The following ADGRE3 variants were observed in gnomAD, a reference collection of about 807,000 sequenced individuals.
The protein encoded by ADGRE3 is adhesion G protein-coupled receptor E3.
ADGRE3 carries 88 observed loss-of-function variants against 80.1 expected under a neutral mutation model. The observed-to-expected ratio is 1.10, with a 90% confidence interval of 0.93 to 1.31. ADGRE3 has a LOEUF of 1.31. Ranked by LOEUF, ADGRE3 falls within the 40% of genes most tolerant of loss-of-function variation. The probability of loss-of-function intolerance (pLI) is 0.00; values close to 1 mark genes in which losing one functional copy is unlikely to be tolerated. For synonymous variants in ADGRE3, 281 were observed against 294.8 expected (o/e 0.95, Z 0.48); for missense variants, 715 against 776.5 (o/e 0.92, Z 0.94).
rs149010185 is a variant in ADGRE3 at position 14,641,583 on chromosome 19, C to T, written c.1084G>A (p.Val362Met). ...CACAGCAGAGAGACGCTCAGCCCCA[C>T]GTAGGTGATGACAGTCAGCACGGGA... ...EDPVLTVITY[V>M]GLSVSLLCLL... is the part of the protein sequence containing the mutation. Residue 362 changes from valine to methionine, a missense_variant, in exon 10 of 16, where the codon GTG (valine) becomes ATG (methionine). By Grantham distance (21) the Val-to-Met change is conservative. Coordinates refer to ENST00000253673, the MANE Select transcript of ADGRE3 (RefSeq NM_032571.5). 5,055 of 1,614,128 alleles carry T rather than the reference C, an allele frequency of 3.1e-3. 17 individuals carry two copies. Among genetic ancestry groups the T allele is most frequent in the Middle Eastern group, 7.3e-3 (44 of 6,060 alleles).
chr19:14,649,398 C>T (rs386486654), intron 7 of ADGRE3, among the ~76,000 whole-genome samples: 214 of 147,412 alleles, frequency 1.5e-3, no homozygotes, highest in Non-Finnish European at 2.2e-3. Context: ...CCATCTCTCT[C>T]TTTCCATCTC....
At chr19:14,613,299 G>A in the ADGRE3 span, among the ~76,000 whole-genome samples, 40 of 152,180 alleles carry the variant, frequency 2.6e-4, 1 homozygote, top group East Asian at 6.8e-3. Context: ...ATAGCTCACT[G>A]AAGCCTCAAA....
chr19:14,659,822 GAAAAAAAAAAAAA>G (rs66908687), intron 4 of ADGRE3, among the ~76,000 whole-genome samples: 1 of 44,840 alleles, frequency 2.2e-5, no homozygotes, highest in Admixed American at 3.5e-4. Context: ...CTCTGCCTCT[GAAAAAAAAAAAAA>G]AAAAAAAAAA....
intron 2 of ADGRE3, among the ~76,000 whole-genome samples, chr19:14,667,194 A>G (rs546375600): frequency 1.2e-4 from 19 of 152,250 alleles, no homozygotes; most frequent in African/African-American, 4.3e-4. Flanking sequence ...GCTGGTGGCT[A>G]TGAAGTGAGA....
intron 14 of ADGRE3, among the ~76,000 whole-genome samples, 186 bp from the exon 15 acceptor site, chr19:14,625,785 A>G (rs1428937990): frequency 7.2e-5 from 11 of 152,222 alleles, no homozygotes; most frequent in Non-Finnish European, 1.3e-4. Context: ...ATATGCTACC[A>G]CACGGATGAA....
At chr19:14,651,856 A>G (rs1005776414) in intron 6 of ADGRE3, among the ~76,000 whole-genome samples, 2 of 152,160 alleles carry the variant, frequency 1.3e-5, no homozygotes, top group African/African-American at 4.8e-5. Context: ...AGCCTGGCCA[A>G]CATGGTGAAA....
At chr19:14,642,565 G>C (rs950887714) in intron 9 of ADGRE3, among the ~76,000 whole-genome samples, 9 of 151,952 alleles carry the variant, frequency 5.9e-5, no homozygotes, top group Admixed American at 2.0e-4. Flanking sequence ...TATTTTTCCT[G>C]GTCCTCTCCC....
At chr19:14,649,104 A>G (rs773305709) in intron 7 of ADGRE3, among the ~76,000 whole-genome samples, 9 of 107,832 alleles carry the variant, frequency 8.3e-5, no homozygotes, top group African/African-American at 3.4e-4. Flanking sequence ...CTTTCTCCCC[A>G]TCTCTCCCCA....
the ADGRE3 span, among the ~76,000 whole-genome samples, chr19:14,600,657 C>T: frequency 3.3e-5 from 5 of 151,548 alleles, no homozygotes; most frequent in African/African-American, 1.2e-4. Flanking sequence ...TCTTGGCTCA[C>T]TGTAAGCTCC....
At chr19:14,642,669 G>A (rs1971285774) in intron 9 of ADGRE3, among the ~76,000 whole-genome samples, 1 of 152,138 alleles carries the variant, frequency 6.6e-6, no homozygotes, top group Non-Finnish European at 1.5e-5. Flanking sequence ...GAGAACACGA[G>A]TATTTGGTTT....
chr19:14,629,903 G>T (rs933554345), intron 14 of ADGRE3, 136 bp downstream of exon 14: 4 of 519,362 alleles, frequency 7.7e-6, no homozygotes, highest in African/African-American at 7.6e-5. Context: ...TTAAAGTAGA[G>T]AAAATAGAGA....
At chr19:14,630,256 C>T in intron 13 of ADGRE3, 49 bp from the exon 14 acceptor site, 1 of 1,492,510 alleles carries the variant, frequency 6.7e-7, no homozygotes, top group Non-Finnish European at 9.1e-7. Flanking sequence ...TAATAATGAG[C>T]ATGAACACCC....
At chr19:14,670,650 G>A (rs1485324224) in intron 1 of ADGRE3, among the ~76,000 whole-genome samples, 2 of 152,202 alleles carry the variant, frequency 1.3e-5, no homozygotes, top group Admixed American at 6.5e-5. Context: ...AAGACCTAAA[G>A]ATGCTGGACA....
the ADGRE3 span, among the ~76,000 whole-genome samples, chr19:14,608,800 ATTT>A: frequency 2.3e-5 from 3 of 131,352 alleles, no homozygotes; most frequent in Non-Finnish European, 1.6e-5. Flanking sequence ...TGCCTGGCTA[ATTT>A]TTTTTTTTTT....
chr19:14,647,341 G>GA lies in ADGRE3; in HGVS notation c.721dup (p.Ser241PhefsTer15). On this transcript the variant is annotated frameshift_variant, in exon 8 of 16. Transcript: ENST00000253673. LOFTEE classifies it high-confidence loss of function. Reference sequence around the variant, plus strand: ...TATGATGTTTCCAAGAGAAGAATATGAGATAAAGGCAATGGCACTGGGACC... The same window carrying GA: ...TATGATGTTTCCAAGAGAAGAATATGAAGATAAAGGCAATGGCACTGGGACC... The GA allele has an allele frequency of 1.2e-6, 2 of 1,610,200 alleles. No individual in the cohort carries two copies. The highest frequency in any genetic ancestry group is 1.7e-6 in the Non-Finnish European group (2 of 1,176,868).
Position 14,638,271 on chromosome 19 carries a change from C to A in ADGRE3, c.1318G>T (p.Glu440Ter). Residue 440 changes from glutamate (E) to a stop codon, truncating the protein, a stop_gained, in exon 11 of 16, where the codon GAG becomes TAG. Transcript: ENST00000253673. LOFTEE classifies it high-confidence loss of function. The part of the protein sequence containing the change: ...YLAAFTWMLL[E>*]GVHLFLTARN... Reference sequence around the variant, plus strand: ...GCAGTGAGGAAGAGGTGCACACCCTCCAGCAGCATCCAGGTGAAGGCGGCC... The same window carrying A: ...GCAGTGAGGAAGAGGTGCACACCCTACAGCAGCATCCAGGTGAAGGCGGCC... 1 of 1,614,116 alleles carries A rather than the reference C, an allele frequency of 6.2e-7. No individual in the cohort carries two copies. Among genetic ancestry groups the A allele is most frequent in the Non-Finnish European group, 8.5e-7 (1 of 1,180,020 alleles).
At chr19:14,615,780 G>A (rs2075071814), downstream of ADGRE3, among the ~76,000 whole-genome samples, 1 of 151,226 alleles carries the variant, frequency 6.6e-6, no homozygotes, top group Non-Finnish European at 1.5e-5. Flanking sequence ...AAATTAGAGA[G>A]ACAGGTTCTC....
chr19:14,639,140 C>T (rs766968724), intron 10 of ADGRE3, among the ~76,000 whole-genome samples: 5 of 152,100 alleles, frequency 3.3e-5, no homozygotes, highest in Non-Finnish European at 7.4e-5. Flanking sequence ...GATCCTCCCG[C>T]CTTGGCCTCC....
At chr19:14,636,001 T>TCC (rs1568480809) in intron 11 of ADGRE3, among the ~76,000 whole-genome samples, 2 of 18,750 alleles carry the variant, frequency 1.1e-4, no homozygotes, top group South Asian at 3.8e-3. Flanking sequence ...TTCTCTCTCT[T>TCC]TCTCTTTCTT....
Sources: gnomAD v4.1 joint callset for allele counts (sites outside exome capture counted in the v4.1 genomes callset) on GRCh38, gnomAD v4.1.1 for gene constraint, MANE v1.5 for transcripts, NCBI Gene and HGNC (gene_info 2026-07-23, HGNC 2026-07-21) for gene names.